Variants in KLF12 observed in about 807,000 individuals in gnomAD.
KLF12 encodes the protein KLF transcription factor 12, also known as Krueppel-like factor 12.
In KLF12, 9 loss-of-function variants were observed where a neutral mutation model predicts 37.8. The ratio of observed to expected loss-of-function variants is 0.24; its 90% CI spans 0.14 to 0.42. KLF12 has a LOEUF of 0.42. KLF12 is among the 10% of genes least tolerant of loss of function. The pLI, the probability that KLF12 is intolerant of heterozygous loss-of-function variation, is 1.00. For synonymous variants in KLF12, 208 were observed against 202.1 expected, an observed-to-expected ratio of 1.03 and a Z score of -0.25; for missense variants, 411 against 516.0, an observed-to-expected ratio of 0.80 and a Z score of 1.97.
chr13:73,872,334 T>C (rs78258355), intron 3 of KLF12, among the ~76,000 whole-genome samples: 3,951 of 152,300 alleles, frequency 0.026, 243 homozygotes, highest in Admixed American at 0.15. Context: ...AATATGAATA[T>C]ATATTTTTAA....
At chr13:73,926,845 A>G (rs1382446064) in intron 3 of KLF12, among the ~76,000 whole-genome samples, 2 of 152,008 alleles carry the variant, frequency 1.3e-5, no homozygotes, top group African/African-American at 4.8e-5. Context: ...GTATCATTTC[A>G]GTAAAATGGA....
At chr13:73,991,994 TAAAGTA>T (rs1336648187) in intron 2 of KLF12, among the ~76,000 whole-genome samples, 1 of 152,178 alleles carries the variant, frequency 6.6e-6, no homozygotes. Flanking sequence ...TCCAAATGCA[TAAAGTA>T]AAAGTCACCC....
chr13:74,111,947 T>C (rs1028174466), intron 1 of KLF12, among the ~76,000 whole-genome samples: 2 of 152,216 alleles, frequency 1.3e-5, no homozygotes, highest in African/African-American at 2.4e-5. Flanking sequence ...TAGAAAGTCA[T>C]AAGCTTCAAC....
the KLF12 span, among the ~76,000 whole-genome samples, chr13:74,235,933 A>T: frequency 6.7e-6 from 1 of 150,194 alleles, no homozygotes; most frequent in African/African-American, 2.4e-5. Context: ...TTTTTAGTTT[A>T]TTTTTTTTAT....
rs191940943 is a variant in KLF12 at position 73,813,775 on chromosome 13, C to T, written c.671-488G>A. Reference sequence around the variant, plus strand: ...GCTTGCGTGACTAAAAGAAAGTATACGTATTTTTCTTACTTCAGTGAATCA... The same window carrying T: ...GCTTGCGTGACTAAAAGAAAGTATATGTATTTTTCTTACTTCAGTGAATCA... On this transcript the variant is annotated intron_variant, in intron 4 of 7. Transcript: ENST00000377669. Among the ~76,000 whole-genome samples, 28 of 152,276 alleles carry T rather than the reference C, an allele frequency of 1.8e-4. No individual in the cohort carries two copies. The Middle Eastern group carries it at 0.014, about 74-fold the overall frequency.
At chr13:73,954,946 C>T (rs1420233653) in intron 2 of KLF12, among the ~76,000 whole-genome samples, 1 of 152,150 alleles carries the variant, frequency 6.6e-6, no homozygotes, top group African/African-American at 2.4e-5. Context: ...GCATAGAGTA[C>T]AAGTTAGAAT....
chr13:73,844,459 C>A (rs1363737084), intron 4 of KLF12, among the ~76,000 whole-genome samples: 1 of 152,094 alleles, frequency 6.6e-6, no homozygotes, highest in Non-Finnish European at 1.5e-5. Context: ...CATTAGAGAA[C>A]AAAGGAAAGA....
chr13:73,701,265 T>C (rs2137581615), intron 7 of KLF12, among the ~76,000 whole-genome samples: 1 of 152,352 alleles, frequency 6.6e-6, no homozygotes, highest in East Asian at 1.9e-4. Flanking sequence ...TTGATTTCTA[T>C]TAATTTCTTT....
intron 3 of KLF12, among the ~76,000 whole-genome samples, chr13:73,881,298 C>A (rs1197605286): frequency 1.3e-5 from 2 of 151,882 alleles, no homozygotes; most frequent in Admixed American, 1.3e-4. Context: ...AACATTTTTT[C>A]TTTTAAATTT....
chr13:74,049,403 A>G (rs1450279498), intron 1 of KLF12, among the ~76,000 whole-genome samples: 2 of 152,154 alleles, frequency 1.3e-5, no homozygotes, highest in African/African-American at 2.4e-5. Flanking sequence ...GCAACACATA[A>G]TAGCCCAGCC....
At chr13:74,202,726 G>A in the KLF12 span, among the ~76,000 whole-genome samples, 4 of 152,086 alleles carry the variant, frequency 2.6e-5, no homozygotes, top group South Asian at 2.1e-4. Flanking sequence ...ATTATGGAAG[G>A]AACTAATCTG....
chr13:73,949,510 A>G (rs557670615), intron 2 of KLF12, among the ~76,000 whole-genome samples: 2 of 152,340 alleles, frequency 1.3e-5, no homozygotes, highest in East Asian at 1.9e-4. Context: ...GGAAGATCTC[A>G]TAATTAATTT....
At chr13:74,107,556 A>T (rs922684401) in intron 1 of KLF12, among the ~76,000 whole-genome samples, 1 of 152,250 alleles carries the variant, frequency 6.6e-6, no homozygotes, top group Non-Finnish European at 1.5e-5. Flanking sequence ...ATTTGTGCGC[A>T]TGCGCACACA....
At chr13:74,196,749 C>A in the KLF12 span, among the ~76,000 whole-genome samples, 2 of 152,150 alleles carry the variant, frequency 1.3e-5, no homozygotes, top group African/African-American at 2.4e-5. Context: ...TTAAAAAATT[C>A]TCTTCAAGTT....
chr13:74,296,019 C>A, the KLF12 span, among the ~76,000 whole-genome samples: 17 of 151,544 alleles, frequency 1.1e-4, no homozygotes, highest in Non-Finnish European at 1.8e-4. Context: ...GATGGGGTTT[C>A]ATCATTTTGT....
chr13:73,897,048 T>G (rs1887804427), intron 3 of KLF12, among the ~76,000 whole-genome samples: 1 of 152,168 alleles, frequency 6.6e-6, no homozygotes, highest in African/African-American at 2.4e-5. Context: ...ATCTTTGGTT[T>G]GGGGGTCACA....
At chr13:74,276,521 T>A in the KLF12 span, among the ~76,000 whole-genome samples, 632 of 152,354 alleles carry the variant, frequency 4.1e-3, 5 homozygotes, top group Non-Finnish European at 4.7e-3. Flanking sequence ...TAGTAAAGTT[T>A]CACAATTTAC....
chr13:73,785,500 A>G (rs1302207297), intron 5 of KLF12, among the ~76,000 whole-genome samples: 1 of 152,094 alleles, frequency 6.6e-6, no homozygotes, highest in Non-Finnish European at 1.5e-5. Context: ...ATCTTGCCCA[A>G]TTTTAATTGT....
chr13:73,924,677 T>C (rs1298373490), intron 3 of KLF12, among the ~76,000 whole-genome samples: 1 of 152,136 alleles, frequency 6.6e-6, no homozygotes, highest in Non-Finnish European at 1.5e-5. Flanking sequence ...TCCATGTCTC[T>C]CACTTTAAAT....
Sources: gnomAD v4.1 joint callset for allele counts (sites outside exome capture counted in the v4.1 genomes callset) on GRCh38, gnomAD v4.1.1 for gene constraint, MANE v1.5 for transcripts, NCBI Gene and HGNC (gene_info 2026-07-23, HGNC 2026-07-21) for gene names.